Variants in PARD3B observed in about 807,000 individuals in gnomAD.
PARD3B encodes the protein par-3 family cell polarity regulator beta, also known as partitioning defective 3 homolog B.
PARD3B carries 103 observed loss-of-function variants against 130.2 expected under a neutral mutation model. The observed-to-expected ratio is 0.79, with a 90% confidence interval of 0.67 to 0.93. The LOEUF (loss-of-function observed/expected upper bound fraction) is 0.93. Ranked by LOEUF, PARD3B falls within the 40% of genes least tolerant of loss-of-function variation. The pLI, the probability that PARD3B is intolerant of heterozygous loss-of-function variation, is 0.00. For synonymous variants in PARD3B, 583 were observed against 553.2 expected (o/e 1.05, Z -0.76); for missense variants, 1,609 against 1,499.2 (o/e 1.07, Z -1.21).
chr2:204,933,768 T>A (rs908153299), intron 2 of PARD3B, among the ~76,000 whole-genome samples: 3 of 152,170 alleles, frequency 2.0e-5, no homozygotes, highest in Non-Finnish European at 4.4e-5. Context: ...AGCATCTCAC[T>A]TCAAGTTACT....
At chr2:205,534,485 G>A (rs540495449) in intron 21 of PARD3B, among the ~76,000 whole-genome samples, 2 of 152,066 alleles carry the variant, frequency 1.3e-5, no homozygotes, top group Admixed American at 1.3e-4. Flanking sequence ...TTTGGAGACA[G>A]AGTCTTACTG....
At chr2:204,839,705 AAACT>A (rs1450756545) in intron 2 of PARD3B, among the ~76,000 whole-genome samples, 3 of 152,196 alleles carry the variant, frequency 2.0e-5, no homozygotes, top group African/African-American at 7.2e-5. Context: ...GAAAACAAAC[AAACT>A]GAGTATAATC....
chr2:205,503,710 G>A (rs1003393529), intron 21 of PARD3B, among the ~76,000 whole-genome samples: 1 of 152,134 alleles, frequency 6.6e-6, no homozygotes, highest in Non-Finnish European at 1.5e-5. Flanking sequence ...ATTCTGTGAA[G>A]AAAGTCATTG....
At chr2:204,670,185 G>A (rs1206627125) in intron 1 of PARD3B, among the ~76,000 whole-genome samples, 1 of 152,138 alleles carries the variant, frequency 6.6e-6, no homozygotes, top group Non-Finnish European at 1.5e-5. Flanking sequence ...GTTTAAAGAA[G>A]GGTTGGCAAA....
At chr2:205,057,779 G>A (rs1377488196) in intron 4 of PARD3B, among the ~76,000 whole-genome samples, 1 of 150,756 alleles carries the variant, frequency 6.6e-6, no homozygotes, top group African/African-American at 2.4e-5. Context: ...ACACGTGTGT[G>A]TGTGTTTGTG....
chr2:205,393,657 A>T (rs773873659), intron 18 of PARD3B, among the ~76,000 whole-genome samples: 80 of 152,192 alleles, frequency 5.3e-4, no homozygotes, highest in Non-Finnish European at 1.0e-3. Flanking sequence ...ATTGCTCAGG[A>T]TCACTTTTGT....
intron 2 of PARD3B, among the ~76,000 whole-genome samples, chr2:204,833,985 C>T (rs1444151377): frequency 1.3e-5 from 2 of 152,164 alleles, no homozygotes; most frequent in African/African-American, 2.4e-5. Context: ...TCGTTTCTTC[C>T]AGCCCAACAA....
chr2:204,551,527 T>C (rs531099038), intron 1 of PARD3B, among the ~76,000 whole-genome samples: 1 of 152,318 alleles, frequency 6.6e-6, no homozygotes, highest in African/African-American at 2.4e-5. Flanking sequence ...TTTGTGCTCC[T>C]GGATCTTCTC....
At chr2:205,063,951 C>A in intron 4 of PARD3B, among the ~76,000 whole-genome samples, 1 of 151,974 alleles carries the variant, frequency 6.6e-6, no homozygotes, top group East Asian at 1.9e-4. Context: ...CATATCCAAA[C>A]TTTGAAGTCA....
intron 11 of PARD3B, among the ~76,000 whole-genome samples, chr2:205,168,071 C>T (rs114287972): frequency 0.018 from 2,689 of 152,216 alleles, 72 homozygotes; most frequent in African/African-American, 0.062. Flanking sequence ...CAGGTTTTTT[C>T]GTTCTAAAGT....
At chr2:204,855,352 G>A (rs2125615207) in intron 2 of PARD3B, among the ~76,000 whole-genome samples, 1 of 152,064 alleles carries the variant, frequency 6.6e-6, no homozygotes, top group African/African-American at 2.4e-5. Context: ...AGACCATCCT[G>A]GCCAACATGG....
At position 205,582,645 on chromosome 2, in the gene PARD3B, C is replaced by T. The variant is rs114758879; in HGVS notation, c.3260+29242C>T. On this transcript the variant is annotated intron_variant, in intron 22 of 22. Transcript: ENST00000406610. ...CAGTGAAACACAGAACAAATGGAAC[C>T]AAGAGCAACAAGGAAGGTTATTGTT... Among the ~76,000 whole-genome samples the T allele has an allele frequency of 6.8e-3, 1,022 of 151,380 alleles. 19 individuals are homozygous for T. Among genetic ancestry groups the T allele is most frequent in the African/African-American group, 0.024 (985 of 41,170 alleles).
intron 2 of PARD3B, among the ~76,000 whole-genome samples, chr2:204,718,664 T>C (rs1020954797): frequency 1.3e-5 from 2 of 152,212 alleles, no homozygotes; most frequent in Non-Finnish European, 2.9e-5. Context: ...TTATGACTTA[T>C]TAGATTCAAC....
In PARD3B at chr2:205,253,905, A is replaced by G. The variant is rs1231423188; in HGVS notation, c.2185+8083A>G. 1.3e-5 allele frequency among the ~76,000 whole-genome samples: 2 copies of G among 152,038 alleles called. No homozygotes were observed. The highest frequency in any genetic ancestry group is 2.9e-5 in the Non-Finnish European group (2 of 67,984). On this transcript the variant is annotated intron_variant, in intron 16 of 22. Transcript: ENST00000406610. This position sits in a 1 kb window ranked among gnomAD's most constrained non-coding sequence, Gnocchi z 4.4. ...GCATTTCAATTAAGAAAACAAAAAC[A>G]AAAACACCACAGAGGTGGTTTGAAA...
intron 18 of PARD3B, among the ~76,000 whole-genome samples, chr2:205,349,891 A>C (rs375596779): frequency 7.0e-6 from 1 of 142,620 alleles, no homozygotes; most frequent in Admixed American, 7.5e-5. Context: ...ATATCACTTG[A>C]TAGAGTGCAG....
chr2:205,006,659 A>G (rs1575541412), intron 3 of PARD3B, among the ~76,000 whole-genome samples: 1 of 151,534 alleles, frequency 6.6e-6, no homozygotes, highest in Non-Finnish European at 1.5e-5. Context: ...TGATGGGATT[A>G]TTTGTTTTCT....
intron 21 of PARD3B, among the ~76,000 whole-genome samples, chr2:205,547,235 G>C (rs1217862359): frequency 6.6e-6 from 1 of 152,122 alleles, no homozygotes; most frequent in Non-Finnish European, 1.5e-5. Flanking sequence ...AGTACAATCA[G>C]TGTTTATTTA....
intron 2 of PARD3B, among the ~76,000 whole-genome samples, chr2:204,746,296 A>G (rs967576529): frequency 6.6e-6 from 1 of 151,606 alleles, no homozygotes; most frequent in African/African-American, 2.4e-5. Flanking sequence ...CCATGTCCCT[A>G]CAAAGGACAT....
chr2:205,384,553 C>T (rs1378893322), intron 18 of PARD3B, among the ~76,000 whole-genome samples: 2 of 152,058 alleles, frequency 1.3e-5, no homozygotes, highest in East Asian at 1.9e-4. Context: ...AAATAATATA[C>T]TCCTACTCAG....
Sources: gnomAD v4.1 joint callset for allele counts (sites outside exome capture counted in the v4.1 genomes callset) on GRCh38, gnomAD v4.1.1 for gene constraint, Gnocchi (gnomAD v3.1) non-coding constraint, MANE v1.5 for transcripts, NCBI Gene and HGNC (gene_info 2026-07-23, HGNC 2026-07-21) for gene names.